The following FMN1 variants were observed in gnomAD, a reference collection of about 807,000 sequenced individuals.
The protein encoded by FMN1 is formin-1.
Under a neutral mutation model 132.4 loss-of-function variants are expected in FMN1, and 110 were observed. The ratio of observed to expected loss-of-function variants is 0.83; its 90% CI spans 0.71 to 0.97. The LOEUF is 0.97. FMN1 is among the 50% of genes least tolerant of loss of function. The pLI, the probability that FMN1 is intolerant of heterozygous loss-of-function variation, is 0.00. For synonymous variants in FMN1, 722 were observed against 651.7 expected, an observed-to-expected ratio of 1.11 and a Z score of -1.64; for missense variants, 1,792 against 1,705.3, an observed-to-expected ratio of 1.05 and a Z score of -0.90.
chr15:32,885,477 A>C (rs971007245), intron 16 of FMN1, among the ~76,000 whole-genome samples: 2 of 152,220 alleles, frequency 1.3e-5, no homozygotes, highest in Admixed American at 1.3e-4. Flanking sequence ...TGACTAGATC[A>C]TCACCTCTGA....
chr15:32,887,674 G>T (rs1242633353), intron 16 of FMN1, among the ~76,000 whole-genome samples: 1 of 152,084 alleles, frequency 6.6e-6, no homozygotes, highest in Non-Finnish European at 1.5e-5. Context: ...TAGCTAATGT[G>T]TAAGTTCTAG....
At chr15:32,892,242 T>C (rs2060049176) in intron 15 of FMN1, among the ~76,000 whole-genome samples, 2 of 152,190 alleles carry the variant, frequency 1.3e-5, no homozygotes, top group African/African-American at 4.8e-5. Context: ...GTATGCAAAT[T>C]TTGCTGAGAG....
At chr15:33,104,933 T>A (rs1409303411) in intron 4 of FMN1, among the ~76,000 whole-genome samples, 3 of 152,100 alleles carry the variant, frequency 2.0e-5, no homozygotes, top group Non-Finnish European at 4.4e-5. Flanking sequence ...TAATTGGTGG[T>A]GATTTCTGTG....
At chr15:33,060,580 C>T (rs753602805) in intron 6 of FMN1, among the ~76,000 whole-genome samples, 18 of 152,162 alleles carry the variant, frequency 1.2e-4, no homozygotes, top group Non-Finnish European at 2.5e-4. Context: ...GGCCACATGT[C>T]TTGACAATTT....
chr15:32,974,710 C>T (rs1342737422), intron 7 of FMN1, among the ~76,000 whole-genome samples: 1 of 152,218 alleles, frequency 6.6e-6, no homozygotes, highest in African/African-American at 2.4e-5. Context: ...AAATCAACAA[C>T]AACTGTTCTT....
chr15:32,842,564 G>A (rs1174123668), intron 17 of FMN1, among the ~76,000 whole-genome samples: 1 of 152,068 alleles, frequency 6.6e-6, no homozygotes, highest in African/African-American at 2.4e-5. Flanking sequence ...GGCAAAGACT[G>A]TGTTCCTTTT....
At chr15:33,163,316 C>A (rs1199133345) in intron 3 of FMN1, among the ~76,000 whole-genome samples, 1 of 147,044 alleles carries the variant, frequency 6.8e-6, no homozygotes, top group Non-Finnish European at 1.5e-5. Flanking sequence ...TTTTTTGAGA[C>A]TGAGTTTCGC....
At chr15:33,047,605 C>T (rs1256398779) in intron 6 of FMN1, among the ~76,000 whole-genome samples, 1 of 152,268 alleles carries the variant, frequency 6.6e-6, no homozygotes, top group East Asian at 1.9e-4. Flanking sequence ...AGATCCCTCT[C>T]GAAATCTAAG....
chr15:33,036,807 TATC>T (rs1445374615), intron 6 of FMN1, among the ~76,000 whole-genome samples: 2 of 152,232 alleles, frequency 1.3e-5, no homozygotes, highest in Non-Finnish European at 2.9e-5. Flanking sequence ...TTGCTTGTAT[TATC>T]ATCAACGAAA....
chr15:32,792,935 T>C (rs575237207), intron 19 of FMN1, among the ~76,000 whole-genome samples: 48 of 152,246 alleles, frequency 3.2e-4, no homozygotes, highest in Middle Eastern at 6.8e-3. Context: ...ATGAGGAAAA[T>C]TGATTTTTCC....
chr15:33,045,702 G>A (rs567943131), intron 6 of FMN1, among the ~76,000 whole-genome samples: 1 of 152,154 alleles, frequency 6.6e-6, no homozygotes, highest in African/African-American at 2.4e-5. Flanking sequence ...AACTCACTGG[G>A]TCAGAAAGAA....
Position 33,026,096 on chromosome 15 carries a change from T to TACACAC in FMN1, c.2162-18027_2162-18022dup, listed in dbSNP as rs58334971. Among the ~76,000 whole-genome samples the TACACAC allele has an allele frequency of 1.9e-3, 276 of 144,812 alleles. 1 individual carries two copies. The highest frequency in any genetic ancestry group is 4.6e-3 in the African/African-American group (179 of 39,042). Reference sequence around the variant, plus strand: ...ACCCATGCTATATATTGCTTAGGCATACACACACACACACACACACACACA... The same window carrying TACACAC: ...ACCCATGCTATATATTGCTTAGGCATACACACACACACACACACACACACACACACA... On this transcript the variant is annotated intron_variant, in intron 6 of 20. Transcript: ENST00000616417.
intron 17 of FMN1, among the ~76,000 whole-genome samples, chr15:32,837,641 AAGG>A (rs2058658054): frequency 6.6e-6 from 1 of 152,072 alleles, no homozygotes; most frequent in African/African-American, 2.4e-5. Context: ...CTAAAGCAAG[AAGG>A]AGTTTTCAAT....
At chr15:32,929,406 G>T (rs1300245692) in intron 9 of FMN1, among the ~76,000 whole-genome samples, 1 of 152,078 alleles carries the variant, frequency 6.6e-6, no homozygotes, top group East Asian at 1.9e-4. Context: ...GGCTTTGAAG[G>T]CTTAACACTA....
At chr15:32,995,406 A>G (rs2033705063) in intron 7 of FMN1, among the ~76,000 whole-genome samples, 1 of 152,168 alleles carries the variant, frequency 6.6e-6, no homozygotes, top group African/African-American at 2.4e-5. Context: ...TCTCTGCGTA[A>G]TATTAGGTCC....
chr15:33,081,155 C>A (rs181095351), intron 5 of FMN1, among the ~76,000 whole-genome samples: 181 of 152,250 alleles, frequency 1.2e-3, no homozygotes, highest in African/African-American at 4.2e-3. Flanking sequence ...GAAGTGGTTC[C>A]ATTAAGACAA....
intron 18 of FMN1, among the ~76,000 whole-genome samples, chr15:32,803,548 C>T (rs919175244): frequency 1.3e-5 from 2 of 152,098 alleles, no homozygotes; most frequent in African/African-American, 4.8e-5. Flanking sequence ...GAGGTGTTCC[C>T]CAACTTCTGG....
chr15:33,026,468 A>G (rs887551505), intron 6 of FMN1, among the ~76,000 whole-genome samples: 1 of 149,362 alleles, frequency 6.7e-6, no homozygotes, highest in African/African-American at 2.4e-5. Flanking sequence ...GTTTAGCCTT[A>G]TAATCAGTGA....
intron 7 of FMN1, among the ~76,000 whole-genome samples, chr15:32,984,284 A>G (rs189841464): frequency 4.6e-5 from 7 of 152,152 alleles, no homozygotes; most frequent in African/African-American, 1.2e-4. Context: ...ATTTTCTTTT[A>G]TGCAATAGAT....
Sources: gnomAD v4.1 joint callset for allele counts (sites outside exome capture counted in the v4.1 genomes callset) on GRCh38, gnomAD v4.1.1 for gene constraint, MANE v1.5 for transcripts, NCBI Gene and HGNC (gene_info 2026-07-23, HGNC 2026-07-21) for gene names.